The following TASOR variants were observed in gnomAD, a reference collection of about 807,000 sequenced individuals.
TASOR encodes transcription activation suppressor, also known as protein TASOR.
Under a neutral mutation model 178.6 loss-of-function variants are expected in TASOR, and 53 were observed. That is an observed-to-expected ratio of 0.30 (90% confidence interval 0.24 to 0.37). The LOEUF is 0.37. Among genes scored for constraint, TASOR ranks in the 10% least tolerant of loss-of-function variants. TASOR has a pLI of 1.00. For missense variants in TASOR, 1,815 were observed against 1,971.4 expected (o/e 0.92, Z 1.50); for synonymous variants, 713 against 696.2 (o/e 1.02, Z -0.38).
At chr3:56,646,345 G>A (rs866764429) in intron 14 of TASOR, among the ~76,000 whole-genome samples, 177 bp downstream of exon 14, 4 of 152,184 alleles carry the variant, frequency 2.6e-5, no homozygotes, top group Non-Finnish European at 4.4e-5. Flanking sequence ...GACAGCATGA[G>A]AGCAGCTACA....
chr3:56,624,672 G>C, intron 22 of TASOR, 29 bp from the exon 23 acceptor site: 1 of 1,593,782 alleles, frequency 6.3e-7, no homozygotes. Flanking sequence ...TTTCATGTAT[G>C]AAACACTTCA....
Position 56,660,900 on chromosome 3 carries a change from TTA to T in TASOR, c.1264+12_1264+13del. 1 of 1,608,260 alleles carries T rather than the reference TTA, an allele frequency of 6.2e-7. No individual in the cohort carries two copies. Among genetic ancestry groups the T allele is most frequent in the East Asian group, 2.2e-5 (1 of 44,780 alleles). On this transcript the variant is annotated intron_variant, in intron 10 of 23. Coordinates refer to ENST00000683822, the MANE Select transcript of TASOR (RefSeq NM_001365635.2). ...CTGCTTCTAATGCATTTCAATAAAA[TTA>T]AATTACCTTACCTTCATTTGGACCT...
At chr3:56,623,918 A>T in intron 23 of TASOR, 2 of 1,174,400 alleles carry the variant, frequency 1.7e-6, no homozygotes, top group Non-Finnish European at 2.4e-6. Context: ...GCTTCACTGG[A>T]TTACTAAACT....
intron 17 of TASOR, among the ~76,000 whole-genome samples, 157 bp from the exon 18 acceptor site, chr3:56,634,123 A>G (rs2107546726): frequency 6.6e-6 from 1 of 152,340 alleles, no homozygotes; most frequent in Middle Eastern, 3.4e-3. Context: ...TATGAATTCT[A>G]TTCCCTATGT....
intron 11 of TASOR, among the ~76,000 whole-genome samples, chr3:56,656,587 TC>T (rs1428615466): frequency 1.3e-5 from 2 of 150,062 alleles, no homozygotes; most frequent in Admixed American, 1.3e-4. Context: ...CGAGACTCTG[TC>T]CCCCGCCCCC....
At chr3:56,645,770 T>C (rs2077223740) in intron 14 of TASOR, among the ~76,000 whole-genome samples, 1 of 152,240 alleles carries the variant, frequency 6.6e-6, no homozygotes, top group Non-Finnish European at 1.5e-5. Flanking sequence ...GCATATTTTA[T>C]TTTCAAATTC....
In TASOR at chr3:56,641,405, A is replaced by C; in HGVS notation, c.2563T>G (p.Ser855Ala). ...ACTTCGCTGGTAGAAATAGCAACAGAATACTTAGATGTTGCATCAACTTCT... is the reference window on the plus strand; with the variant it reads ...ACTTCGCTGGTAGAAATAGCAACAGCATACTTAGATGTTGCATCAACTTCT... Reference protein sequence around the residue: ...LLEVDATSKYSVAISTSEVGT... With the variant: ...LLEVDATSKYAVAISTSEVGT... The change falls in exon 15 of 24, where the codon TCT becomes GCT. Residue 855 changes from serine to alanine, a missense_variant. By Grantham distance (99) the Ser-to-Ala change is moderately conservative (BLOSUM62 1). Transcript: ENST00000683822. The C allele has an allele frequency of 6.2e-7, 1 of 1,600,488 alleles. No individual in the cohort carries two copies. The highest frequency in any genetic ancestry group is 1.1e-5 in the South Asian group (1 of 90,904).
chr3:56,623,047 T>G lies in TASOR; in HGVS notation c.5003A>C (p.Gln1668Pro). 1 of 1,541,824 alleles carries G rather than the reference T, an allele frequency of 6.5e-7. No homozygotes were observed. ...GKSDSSRPYS[Q>P]EK is the part of the protein sequence containing the mutation. ...AAAAAGTTACTACAGTTATTTCTCTTGTGAATATGGCCTGGAAGAATCACT... is the reference window on the plus strand; with the variant it reads ...AAAAAGTTACTACAGTTATTTCTCTGGTGAATATGGCCTGGAAGAATCACT... The change falls in exon 24 of 24, where the codon CAA becomes CCA. Residue 1668 changes from glutamine to proline, a missense_variant. Physicochemically the swap from Gln to Pro is moderately conservative, Grantham distance 76. Coordinates refer to ENST00000683822, the MANE Select transcript of TASOR (RefSeq NM_001365635.2).
At chr3:56,673,404 C>T (rs1441112171) in intron 2 of TASOR, among the ~76,000 whole-genome samples, 176 bp downstream of exon 2, 1 of 139,300 alleles carries the variant, frequency 7.2e-6, no homozygotes, top group Non-Finnish European at 1.5e-5. Flanking sequence ...TGTACTCCAG[C>T]CTGGGCAACA....
At chr3:56,639,291 T>C (rs2077074754) in intron 16 of TASOR, among the ~76,000 whole-genome samples, 1 of 144,920 alleles carries the variant, frequency 6.9e-6, no homozygotes. Context: ...AAAAGACGTA[T>C]ACCCTGAAAA....
chr3:56,675,040 T>C (rs1357394226), intron 1 of TASOR, among the ~76,000 whole-genome samples: 1 of 152,170 alleles, frequency 6.6e-6, no homozygotes, highest in East Asian at 1.9e-4. Context: ...TTAGCCAGGA[T>C]GGTCTCGATC....
intron 9 of TASOR, among the ~76,000 whole-genome samples, chr3:56,661,221 A>G (rs933021209): frequency 2.4e-4 from 36 of 152,186 alleles, no homozygotes; most frequent in Admixed American, 1.9e-3. Flanking sequence ...ATCACAGCTC[A>G]CTGCAGCTTC....
At chr3:56,652,159 G>C (rs571584609) in intron 11 of TASOR, among the ~76,000 whole-genome samples, 1 of 152,292 alleles carries the variant, frequency 6.6e-6, no homozygotes, top group East Asian at 1.9e-4. Flanking sequence ...ATTAATGGCT[G>C]TTAGGGATTA....
At chr3:56,672,149 T>G (rs955215664) in intron 2 of TASOR, among the ~76,000 whole-genome samples, 12 of 152,188 alleles carry the variant, frequency 7.9e-5, no homozygotes, top group Non-Finnish European at 1.6e-4. Context: ...TCCATACATA[T>G]TTATAGGATG....
At chr3:56,627,822 G>T in intron 19 of TASOR, 81 bp from the exon 20 acceptor site, 1 of 1,307,656 alleles carries the variant, frequency 7.6e-7, no homozygotes. Flanking sequence ...CCTACAAGAA[G>T]TCTAACAGAA....
rs753621253 is a variant in TASOR at position 56,624,855 on chromosome 3, G to C, written c.4291C>G (p.Gln1431Glu). ...GTTAAAAAGACTATGTGTCGTTGCT[G>C]TATGTTCTGAGCCTGAAGTCTGATA... is the stretch of plus-strand genomic sequence containing the variant. ...CLIRLQAQNIQQRHIVFLTEK... is the reference protein window; with the variant it reads ...CLIRLQAQNIEQRHIVFLTEK... The change falls in exon 22 of 24, where the codon CAG becomes GAG. Residue 1431 changes from glutamine (Q) to glutamate (E), a missense_variant. Transcript: ENST00000683822. 6 of 1,614,020 alleles carry C rather than the reference G, an allele frequency of 3.7e-6. No individual in the cohort carries two copies. Among genetic ancestry groups the C allele is most frequent in the Non-Finnish European group, 5.1e-6 (6 of 1,180,020 alleles).
At chr3:56,631,393 T>C (rs2076907896) in intron 18 of TASOR, among the ~76,000 whole-genome samples, 2 of 152,164 alleles carry the variant, frequency 1.3e-5, no homozygotes. Flanking sequence ...AGCAGGCATT[T>C]ATTTCAAAAT....
chr3:56,669,972 A>C (rs1018509954), intron 4 of TASOR, 101 bp downstream of exon 4: 13 of 929,452 alleles, frequency 1.4e-5, no homozygotes, highest in Admixed American at 1.1e-4. Flanking sequence ...GAACATAATA[A>C]AGCATGAATT....
At chr3:56,672,448 T>A (rs1281264995) in intron 2 of TASOR, among the ~76,000 whole-genome samples, 1 of 152,216 alleles carries the variant, frequency 6.6e-6, no homozygotes, top group Non-Finnish European at 1.5e-5. Flanking sequence ...CTGGTACCAC[T>A]TGGTTAACCA....
Sources: gnomAD v4.1 joint callset for allele counts (sites outside exome capture counted in the v4.1 genomes callset) on GRCh38, gnomAD v4.1.1 for gene constraint, MANE v1.5 for transcripts, NCBI Gene and HGNC (gene_info 2026-07-23, HGNC 2026-07-21) for gene names.